The following MYPN variants were observed in gnomAD, a reference collection of about 807,000 sequenced individuals.
MYPN encodes the protein sarcomeric protein myopalladin, 145 kDa (MYOP).
Under a neutral mutation model 129.4 loss-of-function variants are expected in MYPN, and 63 were observed. The observed-to-expected ratio is 0.49, with a 90% CI of 0.40 to 0.60. The LOEUF (loss-of-function observed/expected upper bound fraction) is 0.60, where lower values mean the gene tolerates loss of function less well. Ranked by LOEUF, MYPN falls within the 20% of genes least tolerant of loss-of-function variation. The pLI is 0.00. For synonymous variants in MYPN, 629 were observed against 600.9 expected (o/e 1.05, Z -0.68); for missense variants, 1,596 against 1,635.4 (o/e 0.98, Z 0.42).
rs1343630699 is a variant in MYPN, at chr10:68,121,574, A to T, written c.136A>T (p.Ser46Cys). The T allele has an allele frequency of 1.2e-6, 2 of 1,614,236 alleles. No individual in the cohort carries two copies. The highest frequency in any genetic ancestry group is 4.5e-5 in the East Asian group (2 of 44,890). Residue 46 changes from serine to cysteine, a missense_variant, in exon 2 of 20, where the codon AGT (serine) becomes TGT (cysteine). Coordinates refer to ENST00000358913, the MANE Select transcript of MYPN (RefSeq NM_032578.4). ...EPSSNPCHFGSPSGAAEGGGG... is the reference protein window; with the variant it reads ...EPSSNPCHFGCPSGAAEGGGG... ...CTCCTCCAACCCTTGCCATTTCGGC[A>T]GTCCTTCTGGGGCCGCTGAAGGAGG...
Position 68,122,324 on chromosome 10 carries a change from C to G in MYPN, c.886C>G (p.Pro296Ala). The G allele has an allele frequency of 6.2e-7, 1 of 1,613,594 alleles. No homozygotes were observed. The highest frequency in any genetic ancestry group is 8.5e-7 in the Non-Finnish European group (1 of 1,180,022). Residue 296 changes from proline (P) to alanine (A), a missense_variant, in exon 2 of 20, where the codon CCA (proline) becomes GCA (alanine). Transcript: ENST00000358913. Reference sequence around the variant, plus strand: ...GTTGGATTGCATAGTGGTAGGAATTCCACCACCTCAAGTAAGGTAAAAATG... The same window carrying G: ...GTTGGATTGCATAGTGGTAGGAATTGCACCACCTCAAGTAAGGTAAAAATG... ...VQLDCIVVGIPPPQVRWYCEG... is the reference protein window; with the variant it reads ...VQLDCIVVGIAPPQVRWYCEG...
chr10:68,113,696 CA>C (rs565475209), intron 1 of MYPN, among the ~76,000 whole-genome samples: 435 of 127,232 alleles, frequency 3.4e-3, no homozygotes, highest in Middle Eastern at 0.022. Flanking sequence ...GATCTTGCCT[CA>C]AAAAAAAAAA....
chr10:68,099,924 G>A (rs981253828), intron 1 of MYPN, among the ~76,000 whole-genome samples: 7 of 152,146 alleles, frequency 4.6e-5, no homozygotes, highest in African/African-American at 1.2e-4. Flanking sequence ...GAAATGTGGC[G>A]TGGTGTAGCA....
At chr10:68,091,055 G>A (rs1240977258) in intron 1 of MYPN, among the ~76,000 whole-genome samples, 3 of 152,266 alleles carry the variant, frequency 2.0e-5, no homozygotes, top group African/African-American at 7.2e-5. Flanking sequence ...TGGTTTTAAA[G>A]CAAACCAAAC....
rs534707072 is a variant in MYPN, at chr10:68,161,438, C to A, written c.1460-291C>A. 3.9e-5 allele frequency among the ~76,000 whole-genome samples: 6 copies of A among 151,978 alleles called. No individual in the cohort carries two copies. The East Asian group carries it at 1.2e-3, about 30-fold the overall frequency. On this transcript the variant is annotated intron_variant, in intron 7 of 19. Coordinates refer to ENST00000358913, the MANE Select transcript of MYPN (RefSeq NM_032578.4). Reference sequence around the variant, plus strand: ...TTGAACCCAGGAGAATTGCTTGAACCCAGGAGGCAGAGGTTGCAGTGAGCT... The same window carrying A: ...TTGAACCCAGGAGAATTGCTTGAACACAGGAGGCAGAGGTTGCAGTGAGCT...
At chr10:68,192,756 G>A (rs2043536594) in intron 13 of MYPN, among the ~76,000 whole-genome samples, 1 of 152,086 alleles carries the variant, frequency 6.6e-6, no homozygotes, top group Non-Finnish European at 1.5e-5. Context: ...GGTTGTATGT[G>A]TCCAGGAATT....
Position 68,166,383 on chromosome 10 carries a change from C to A in MYPN, c.1690C>A (p.His564Asn), listed in dbSNP as rs756292351. ...TATTGAGCCACAGCCCTCCCCACCC[C>A]ACTCAGAGCCTCCATCTGTGGAACA... Reference protein sequence around the residue: ...AAIEPQPSPPHSEPPSVEQPP... With the variant: ...AAIEPQPSPPNSEPPSVEQPP... The change falls in exon 10 of 20, where the codon CAC (histidine) becomes AAC (asparagine). Residue 564 changes from histidine to asparagine, a missense_variant. Physicochemically the swap from His to Asn is moderately conservative, Grantham distance 68 (BLOSUM62 1). Transcript: ENST00000358913. 3.1e-6 allele frequency: 5 copies of A among 1,614,014 alleles called. No homozygotes were observed. In the African/African-American group the frequency reaches 5.3e-5, roughly 17 times the overall value.
chr10:68,141,495 A>G (rs2042578531), intron 2 of MYPN, among the ~76,000 whole-genome samples: 1 of 151,852 alleles, frequency 6.6e-6, no homozygotes, highest in South Asian at 2.1e-4. Context: ...TTTGACACTT[A>G]GTAGTTATTA....
intron 8 of MYPN, chr10:68,161,999 C>T: frequency 3.0e-6 from 1 of 336,314 alleles, no homozygotes; most frequent in Non-Finnish European, 5.4e-6. Context: ...GAAACCCCAT[C>T]TCTACTAAAA....
intron 12 of MYPN, among the ~76,000 whole-genome samples, chr10:68,187,306 C>A (rs888039580): frequency 7.3e-4 from 99 of 135,468 alleles, no homozygotes; most frequent in African/African-American, 8.9e-4. Context: ...GACTCCATCT[C>A]AAAAAAAAAA....
upstream of MYPN, among the ~76,000 whole-genome samples, chr10:68,108,080 C>T (rs1314624651): frequency 6.6e-6 from 1 of 152,144 alleles, no homozygotes; most frequent in Admixed American, 6.5e-5. Context: ...AGTATCAGCA[C>T]AAGATTAGGT....
At chr10:68,128,706 A>G (rs961978755) in intron 2 of MYPN, among the ~76,000 whole-genome samples, 1 of 152,182 alleles carries the variant, frequency 6.6e-6, no homozygotes, top group African/African-American at 2.4e-5. Flanking sequence ...GAGGGAGCAT[A>G]TAGCAAAGGG....
At chr10:68,134,433 T>C (rs954145709) in intron 2 of MYPN, among the ~76,000 whole-genome samples, 3 of 152,208 alleles carry the variant, frequency 2.0e-5, no homozygotes, top group Non-Finnish European at 4.4e-5. Context: ...TAATTTAATG[T>C]TTAAAAAAAC....
At chr10:68,130,526 G>A (rs747148392) in intron 2 of MYPN, among the ~76,000 whole-genome samples, 15 of 149,122 alleles carry the variant, frequency 1.0e-4, no homozygotes, top group Non-Finnish European at 1.8e-4. Flanking sequence ...CATATAACAC[G>A]TTATGAAAAT....
intron 6 of MYPN, among the ~76,000 whole-genome samples, chr10:68,152,727 C>T (rs538255346): frequency 8.5e-5 from 13 of 152,260 alleles, no homozygotes; most frequent in African/African-American, 3.1e-4. Flanking sequence ...CCTTGGCCCC[C>T]CCGGGTTTAA....
At position 68,137,503 on chromosome 10, in the gene MYPN, A is replaced by G. The variant is rs147532476; in HGVS notation, c.903-5437A>G. On this transcript the variant is annotated intron_variant, in intron 2 of 19. Transcript: ENST00000358913. Reference sequence around the variant, plus strand: ...TTTGTGCTCTGCTATACTGAAACCTACTGGTCTGTCTTGAACTTTGAATGG... The same window carrying G: ...TTTGTGCTCTGCTATACTGAAACCTGCTGGTCTGTCTTGAACTTTGAATGG... 2.7e-3 allele frequency among the ~76,000 whole-genome samples: 404 copies of G among 152,300 alleles called. 2 individuals carry two copies. The highest frequency in any genetic ancestry group is 9.3e-3 in the African/African-American group (387 of 41,574).
At chr10:68,143,668 G>A (rs1219647775) in intron 3 of MYPN, among the ~76,000 whole-genome samples, 1 of 152,192 alleles carries the variant, frequency 6.6e-6, no homozygotes, top group Non-Finnish European at 1.5e-5. Flanking sequence ...AAGGACTTTG[G>A]TTTTGACCCT....
At chr10:68,102,945 G>A (rs766525399), upstream of MYPN, among the ~76,000 whole-genome samples, 9 of 152,156 alleles carry the variant, frequency 5.9e-5, no homozygotes, top group Non-Finnish European at 1.3e-4. Flanking sequence ...TAGCCTAAAA[G>A]ATGAAGGGAA....
intron 7 of MYPN, among the ~76,000 whole-genome samples, 163 bp downstream of exon 7, chr10:68,158,790 G>A (rs978722807): frequency 1.3e-5 from 2 of 152,084 alleles, no homozygotes; most frequent in Non-Finnish European, 2.9e-5. Flanking sequence ...TGTTCTCCAA[G>A]AATTTTTCCA....
Sources: allele counts gnomAD v4.1 joint callset (sites outside exome capture counted in the v4.1 genomes callset), GRCh38; gene constraint gnomAD v4.1.1; transcripts MANE v1.5; gene names NCBI Gene and HGNC (gene_info 2026-07-23, HGNC 2026-07-21).